STX4: variants seen among roughly 807,000 people sequenced by gnomAD.
The protein encoded by STX4 is syntaxin 4.
In STX4, 24 loss-of-function variants were observed where a neutral mutation model predicts 41.8. That is an observed-to-expected ratio of 0.57 (90% confidence interval 0.42 to 0.81). The LOEUF is 0.81. STX4 is among the 30% of genes least tolerant of loss of function. The pLI, the probability that STX4 is intolerant of heterozygous loss-of-function variation, is 0.00. For synonymous variants in STX4, 158 were observed against 156.4 expected, an observed-to-expected ratio of 1.01 and a Z score of -0.08; for missense variants, 316 against 389.9, an observed-to-expected ratio of 0.81 and a Z score of 1.60.
chr16:31,036,070 C>T (rs747105858), intron 5 of STX4, among the ~76,000 whole-genome samples: 11 of 152,032 alleles, frequency 7.2e-5, no homozygotes, highest in African/African-American at 1.9e-4. Flanking sequence ...TGAGCCACCG[C>T]GCGCGGCCCC....
Position 31,036,550 on chromosome 16 carries a change from T to G in STX4, c.379-1376T>G, listed in dbSNP as rs943007923. 2.0e-5 allele frequency among the ~76,000 whole-genome samples: 3 copies of G among 152,166 alleles called. No homozygotes were observed. The East Asian group carries it at 5.8e-4, about 29-fold the overall frequency. ...TGTGCCAGACCTTTTTGGAACTGTT[T>G]AGGATACAGCAGTGAACCAGTGATC... On this transcript the variant is annotated intron_variant, in intron 5 of 10. Coordinates refer to ENST00000313843, the MANE Select transcript of STX4 (RefSeq NM_004604.5).
chr16:31,039,932 C>A lies in STX4; in HGVS notation c.*36C>A. 9.0e-7 allele frequency: 1 copy of A among 1,111,568 alleles called. No homozygotes were observed. Among genetic ancestry groups the A allele is most frequent in the Non-Finnish European group, 1.3e-6 (1 of 754,438 alleles). 68.9% of individuals were successfully genotyped at this position (1,111,568 alleles called of 1,614,324 possible). On this transcript the variant is annotated 3_prime_UTR_variant, in exon 11 of 11. Transcript: ENST00000313843. This position sits in a 1 kb window ranked among gnomAD's most constrained non-coding sequence, Gnocchi z 4.1. The stretch of plus-strand genomic sequence containing the variant: ...TACAGGCACTAGGAGCACCAGGAAC[C>A]CAGGGCCTGGCCTTCTCTCCCAGCA...
intron 4 of STX4, 131 bp downstream of exon 4, chr16:31,034,667 G>T: frequency 1.9e-6 from 2 of 1,074,556 alleles, no homozygotes; most frequent in Non-Finnish European, 1.3e-6. Flanking sequence ...TCTAGCATCT[G>T]TCTCCTGGCC....
chr16:31,034,544 C>T lies in STX4; in HGVS notation c.307+8C>T, dbSNP rs776460575. The T allele has an allele frequency of 2.3e-5, 37 of 1,577,616 alleles. 1 individual carries two copies. Among genetic ancestry groups the T allele is most frequent in the Non-Finnish European group, 2.9e-5 (34 of 1,161,104 alleles). ...TCCGCCTGCAGCTGAAGGGTGAGCT[C>T]CTGGGACCTCAGACAGATCCTTCCC... is the stretch of plus-strand genomic sequence containing the variant. On this transcript the variant is annotated splice_region_variant and intron_variant, in intron 4 of 10. Transcript: ENST00000313843.
chr16:31,033,514 C>G (rs1436682388), upstream of STX4: 2 of 1,550,502 alleles, frequency 1.3e-6, no homozygotes, highest in East Asian at 2.4e-5. This position sits in a 1 kb window ranked among gnomAD's most constrained non-coding sequence, Gnocchi z 5.5. Flanking sequence ...AAGGAAGAGA[C>G]GCGACCATGT....
rs1471028634 is a variant in STX4 at position 31,033,762 on chromosome 16, G to A, written c.-44G>A. ...CGGGGTACGGGAATTCCAAATTTGA[G>A]GGCCTCCCGGCTCTGGCGCCGGGGA... is the stretch of plus-strand genomic sequence containing the variant. On this transcript the variant is annotated 5_prime_UTR_variant, in exon 1 of 11. Transcript: ENST00000313843. This position sits in a 1 kb window ranked among gnomAD's most constrained non-coding sequence, Gnocchi z 5.5. 9 of 1,450,932 alleles carry A rather than the reference G, an allele frequency of 6.2e-6. No individual in the cohort carries two copies. Among genetic ancestry groups the A allele is most frequent in the African/African-American group, 2.9e-5 (2 of 69,592 alleles). The allele number at this position is 1,450,932 out of a possible 1,614,324, so 89.9% of individuals were successfully genotyped here.
rs1378073962 is a variant in STX4 at position 31,039,754 on chromosome 16, T to A, written c.845T>A (p.Ile282Asn). ...KKVLIAICVSITVVLLAVIIG... is the reference protein window; with the variant it reads ...KKVLIAICVSNTVVLLAVIIG... ...GTCTTGATTGCCATCTGTGTGTCCA[T>A]CACCGTCGTCCTCCTAGCAGTCATC... The change falls in exon 10 of 11, where the codon ATC becomes AAC. Residue 282 changes from isoleucine (I) to asparagine (N), a missense_variant. Physicochemically the swap from Ile to Asn is moderately radical, Grantham distance 149 (BLOSUM62 -3). Transcript: ENST00000313843. The surrounding 1 kb of genome is among the most constrained non-coding windows in gnomAD (Gnocchi z 4.1). 1.2e-6 allele frequency: 2 copies of A among 1,614,224 alleles called. No individual in the cohort carries two copies. Among genetic ancestry groups the A allele is most frequent in the Non-Finnish European group, 1.7e-6 (2 of 1,180,034 alleles).
chr16:31,034,804 T>C, intron 4 of STX4, 166 bp from the exon 5 acceptor site: 1 of 709,902 alleles, frequency 1.4e-6, no homozygotes, highest in Non-Finnish European at 2.3e-6. Flanking sequence ...TGGAGTTTTG[T>C]TAGGTGGCCT....
upstream of STX4, chr16:31,033,347 G>T: frequency 1.2e-6 from 1 of 835,688 alleles, no homozygotes; most frequent in South Asian, 1.4e-5. The surrounding 1 kb of genome is among the most constrained non-coding windows in gnomAD (Gnocchi z 5.5). Context: ...GGGTGTCTCG[G>T]ATTACGTACA....
chr16:31,033,823 C>T lies in STX4; in HGVS notation c.18C>T (p.His6=). 6.9e-7 allele frequency: 1 copy of T among 1,452,644 alleles called. No individual in the cohort carries two copies. The highest frequency in any genetic ancestry group is 9.1e-7 in the Non-Finnish European group (1 of 1,099,868). The allele number at this position is 1,452,644 out of a possible 1,614,324, so 90.0% of individuals were successfully genotyped here. ...AGGCCGCCATGCGGGACAGGACCCA[C>T]GAGCTGAGACAGGTGAGACGCCAGG... MRDRT[H]ELRQGDDSSD... The change falls in exon 1 of 11, where the codon CAC becomes CAT. Residue 6 remains histidine (H), a synonymous_variant. Coordinates refer to ENST00000313843, the MANE Select transcript of STX4 (RefSeq NM_004604.5). This position sits in a 1 kb window ranked among gnomAD's most constrained non-coding sequence, Gnocchi z 5.5.
rs1555496667 is a variant in STX4 at position 31,037,062 on chromosome 16, C to CCCA, written c.379-862_379-861insACC. ...CTGGGCAATATAGTGAGACCCCCCC[C>CCCA]CCTTTTTTTTTTTTCCTTTGAGACA... On this transcript the variant is annotated intron_variant, in intron 5 of 10. Coordinates refer to ENST00000313843, the MANE Select transcript of STX4 (RefSeq NM_004604.5). 3.5e-5 allele frequency among the ~76,000 whole-genome samples: 5 copies of CCCA among 144,880 alleles called. 1 individual carries two copies. In the South Asian group the frequency reaches 1.1e-3, roughly 33 times the overall value.
chr16:31,037,705 A>ATAAG (rs2056811808), intron 5 of STX4, among the ~76,000 whole-genome samples: 1 of 151,466 alleles, frequency 6.6e-6, no homozygotes, highest in Non-Finnish European at 1.5e-5. Context: ...AAATAAATAA[A>ATAAG]TAAATAAAAA....
chr16:31,039,686 C>A lies in STX4; in HGVS notation c.813+35C>A. ...CCAGGCCCGGCCACTGCCCCAGGCA[C>A]CCTGTGTGACTTCCCTGACCCCCTC... On this transcript the variant is annotated intron_variant, in intron 9 of 10. Coordinates refer to ENST00000313843, the MANE Select transcript of STX4 (RefSeq NM_004604.5). The surrounding 1 kb of genome is among the most constrained non-coding windows in gnomAD (Gnocchi z 4.1). 1 of 1,614,160 alleles carries A rather than the reference C, an allele frequency of 6.2e-7. No individual in the cohort carries two copies.
rs760104174 is a variant in STX4 at position 31,033,834 on chromosome 16, A to G, written c.29A>G (p.Gln10Arg). 2.6e-5 allele frequency: 38 copies of G among 1,453,192 alleles called. No homozygotes were observed. The highest frequency in any genetic ancestry group is 3.1e-5 in the Non-Finnish European group (34 of 1,099,836). The allele number at this position is 1,453,192 out of a possible 1,614,324, so 90.0% of individuals were successfully genotyped here. A position where few individuals can be genotyped will look rare whatever the true frequency, so the allele number is the denominator to read the frequency against. Residue 10 changes from glutamine to arginine, a missense_variant and splice_region_variant, in exon 1 of 11, where the codon CAG becomes CGG. Gln to Arg is a conservative substitution (Grantham distance 43). Coordinates refer to ENST00000313843, the MANE Select transcript of STX4 (RefSeq NM_004604.5). The surrounding 1 kb of genome is among the most constrained non-coding windows in gnomAD (Gnocchi z 5.5). ...CGGGACAGGACCCACGAGCTGAGAC[A>G]GGTGAGACGCCAGGGCAGCGGGGAT... Reference protein sequence around the residue: MRDRTHELRQGDDSSDEEDK... With the variant: MRDRTHELRRGDDSSDEEDK...
In STX4 at chr16:31,033,759, TG is replaced by T. The variant is rs1159687049; in HGVS notation, c.-46del. 1.4e-6 allele frequency: 2 copies of T among 1,448,836 alleles called. No individual in the cohort carries two copies. Among genetic ancestry groups the T allele is most frequent in the African/African-American group, 2.9e-5 (2 of 69,350 alleles). The allele number at this position is 1,448,836 out of a possible 1,614,324, so 89.7% of individuals were successfully genotyped here. A position where few individuals can be genotyped will look rare whatever the true frequency, so the allele number is the denominator to read the frequency against. ...GAGCGGGGTACGGGAATTCCAAATT[TG>T]AGGGCCTCCCGGCTCTGGCGCCGGG... On this transcript the variant is annotated 5_prime_UTR_variant, in exon 1 of 11. Transcript: ENST00000313843. The surrounding 1 kb of genome is among the most constrained non-coding windows in gnomAD (Gnocchi z 5.5).
Position 31,039,644 on chromosome 16 carries a change from C to A in STX4, c.806C>A (p.Ala269Glu). 1.2e-6 allele frequency: 2 copies of A among 1,614,170 alleles called. No homozygotes were observed. The change falls in exon 9 of 11, where the codon GCG (alanine) becomes GAG (glutamate). Residue 269 changes from alanine (A) to glutamate (E), a missense_variant. By Grantham distance (107) the Ala-to-Glu change is moderately radical. Coordinates refer to ENST00000313843, the MANE Select transcript of STX4 (RefSeq NM_004604.5). The surrounding 1 kb of genome is among the most constrained non-coding windows in gnomAD (Gnocchi z 4.1). ...VKTALENQKK[A>E]RKKKVLIAIC... ...ACGGCCCTGGAGAACCAGAAGAAGG[C>A]GAGGAAGGTGAGCCTCCCAGGCCCG... is the stretch of plus-strand genomic sequence containing the variant.
chr16:31,034,061 G>T lies in STX4; in HGVS notation c.79G>T (p.Val27Leu), dbSNP rs1347164142. Reference sequence around the variant, plus strand: ...GGACAAGGAGCGGGTCGCGCTGGTGGTGCACCCGGGCACGGCACGGCTGGG... The same window carrying T: ...GGACAAGGAGCGGGTCGCGCTGGTGTTGCACCCGGGCACGGCACGGCTGGG... ...EEDKERVALV[V>L]HPGTARLGSP... Residue 27 changes from valine (V) to leucine (L), a missense_variant, in exon 2 of 11, where the codon GTG becomes TTG. Val to Leu is a conservative substitution (Grantham distance 32, BLOSUM62 1). Transcript: ENST00000313843. 3 of 1,610,330 alleles carry T rather than the reference G, an allele frequency of 1.9e-6. No homozygotes were observed. Among genetic ancestry groups the T allele is most frequent in the South Asian group, 1.1e-5 (1 of 90,788 alleles).
rs78777719 is a variant in STX4, at chr16:31,038,986, A to C, written c.702+339A>C. On this transcript the variant is annotated intron_variant, in intron 8 of 10. Transcript: ENST00000313843. ...GTTGCCCTAGAGGGGCTGCCTCCTAACATCTGTACAAGGCTGGGGTGGGGG... is the reference window on the plus strand; with the variant it reads ...GTTGCCCTAGAGGGGCTGCCTCCTACCATCTGTACAAGGCTGGGGTGGGGG... The C allele has an allele frequency of 9.4e-3, 2,784 of 297,070 alleles. 73 individuals carry two copies. The highest frequency in any genetic ancestry group is 0.055 in the African/African-American group (2,573 of 46,728). 18.4% of individuals were successfully genotyped at this position (297,070 alleles called of 1,614,324 possible). A position where few individuals can be genotyped will look rare whatever the true frequency, so the allele number is the denominator to read the frequency against.
chr16:31,034,887 C>T (rs2056787685), intron 4 of STX4, 83 bp from the exon 5 acceptor site: 3 of 1,256,998 alleles, frequency 2.4e-6, no homozygotes, highest in African/African-American at 3.1e-5. Flanking sequence ...AGAGGCTCAG[C>T]CTTAGTCATT....
Sources: allele counts gnomAD v4.1 joint callset (sites outside exome capture counted in the v4.1 genomes callset), GRCh38; gene constraint gnomAD v4.1.1; non-coding constraint Gnocchi (gnomAD v3.1); transcripts MANE v1.5; gene names NCBI Gene and HGNC (gene_info 2026-07-23, HGNC 2026-07-21).